CASQ2: variants seen among roughly 807,000 people sequenced by gnomAD.
CASQ2 encodes calsequestrin 2, also known as calsequestrin-2.
A neutral mutation model predicts 46.5 loss-of-function variants in CASQ2; 49 were observed. The observed-to-expected ratio is 1.05, with a 90% confidence interval of 0.84 to 1.34. CASQ2 has a LOEUF of 1.34. Ranked by LOEUF, CASQ2 falls within the 40% of genes most tolerant of loss-of-function variation. CASQ2 has a pLI of 0.00. For synonymous variants in CASQ2, 174 were observed against 168.5 expected (o/e 1.03, Z -0.25); for missense variants, 486 against 481.3 (o/e 1.01, Z -0.09).
intron 3 of CASQ2, among the ~76,000 whole-genome samples, chr1:115,739,283 A>G (rs4839473): frequency 0.78 from 116,651 of 148,920 alleles, 49,522 homozygotes; most frequent in Non-Finnish European, 0.94. Flanking sequence ...AAGTTTTTTT[A>G]TTTTTGTATT....
intron 2 of CASQ2, among the ~76,000 whole-genome samples, chr1:115,741,318 T>C (rs1194129876): frequency 2.0e-5 from 3 of 152,178 alleles, no homozygotes; most frequent in Non-Finnish European, 4.4e-5. Context: ...AAAAGGTGAG[T>C]AAAGGAAAAG....
At chr1:115,751,512 A>AG (rs1405619628) in intron 1 of CASQ2, among the ~76,000 whole-genome samples, 4 of 151,700 alleles carry the variant, frequency 2.6e-5, no homozygotes, top group Non-Finnish European at 4.4e-5. Flanking sequence ...GCTAAAAAAA[A>AG]TACAAAAGAA....
chr1:115,735,928 G>A (rs984798839), intron 4 of CASQ2, among the ~76,000 whole-genome samples: 3 of 152,134 alleles, frequency 2.0e-5, no homozygotes, highest in Non-Finnish European at 2.9e-5. Context: ...TTGGGAGGCC[G>A]AGGCGGGTGG....
At chr1:115,718,488 G>T (rs1647254366) in intron 7 of CASQ2, among the ~76,000 whole-genome samples, 1 of 152,186 alleles carries the variant, frequency 6.6e-6, no homozygotes, top group African/African-American at 2.4e-5. Context: ...CACAGACAAG[G>T]GTTGTGCTTC....
At chr1:115,729,569 T>C (rs1351807274) in intron 5 of CASQ2, among the ~76,000 whole-genome samples, 3 of 152,220 alleles carry the variant, frequency 2.0e-5, no homozygotes, top group Non-Finnish European at 2.9e-5. Flanking sequence ...AATGAATTCT[T>C]TCATGCTTTT....
intron 1 of CASQ2, among the ~76,000 whole-genome samples, chr1:115,763,194 T>C (rs1649021210): frequency 6.6e-6 from 1 of 151,406 alleles, no homozygotes; most frequent in Non-Finnish European, 1.5e-5. Context: ...GGGGAAAGAG[T>C]AAGGTAGAAA....
At chr1:115,711,644 T>C (rs1385976776) in intron 8 of CASQ2, among the ~76,000 whole-genome samples, 2 of 151,732 alleles carry the variant, frequency 1.3e-5, no homozygotes, top group African/African-American at 4.8e-5. Context: ...AGGGTTTTTG[T>C]TTGTTTGTTT....
intron 8 of CASQ2, among the ~76,000 whole-genome samples, chr1:115,716,457 C>A (rs1180560674): frequency 1.3e-5 from 2 of 152,124 alleles, no homozygotes; most frequent in East Asian, 3.9e-4. Flanking sequence ...ATACATTTAT[C>A]CTATTTTCAG....
At chr1:115,740,309 C>G (rs1648132694) in intron 3 of CASQ2, among the ~76,000 whole-genome samples, 1 of 152,172 alleles carries the variant, frequency 6.6e-6, no homozygotes, top group Non-Finnish European at 1.5e-5. Context: ...AGCTCTGTCA[C>G]TTCTCTATGT....
chr1:115,766,030 A>G (rs191616635), intron 1 of CASQ2, among the ~76,000 whole-genome samples: 146 of 152,308 alleles, frequency 9.6e-4, no homozygotes, highest in Admixed American at 1.9e-3. Context: ...AAGTATCTCA[A>G]CAAAGGCCCG....
chr1:115,744,717 T>C (rs765859910), intron 2 of CASQ2, 111 bp downstream of exon 2: 6 of 746,438 alleles, frequency 8.0e-6, no homozygotes, highest in Non-Finnish European at 1.4e-5. Context: ...GATCATTTTA[T>C]ATATTTTAAA....
intron 1 of CASQ2, among the ~76,000 whole-genome samples, 193 bp from the exon 2 acceptor site, chr1:115,745,105 G>T (rs1211729649): frequency 6.6e-6 from 1 of 152,184 alleles, no homozygotes; most frequent in Non-Finnish European, 1.5e-5. Context: ...AGAATGCTGA[G>T]AATCAAGGAG....
chr1:115,759,958 C>T (rs1648882901), intron 1 of CASQ2, among the ~76,000 whole-genome samples: 1 of 152,164 alleles, frequency 6.6e-6, no homozygotes, highest in Non-Finnish European at 1.5e-5. Context: ...CCAGGCAATT[C>T]AACTAGAAAG....
intron 7 of CASQ2, among the ~76,000 whole-genome samples, chr1:115,721,722 C>A (rs1384555042): frequency 6.6e-6 from 1 of 152,098 alleles, no homozygotes; most frequent in Non-Finnish European, 1.5e-5. Context: ...TGGCACACAC[C>A]ACCACACCCA....
At chr1:115,707,506 G>T (rs961041146) in intron 8 of CASQ2, among the ~76,000 whole-genome samples, 1 of 152,132 alleles carries the variant, frequency 6.6e-6, no homozygotes, top group Non-Finnish European at 1.5e-5. Context: ...GGTGAGGTGG[G>T]GTAGGGGCAT....
chr1:115,739,500 G>T lies in CASQ2; in HGVS notation c.421-1165C>A, dbSNP rs577372598. ...CTTCCCCTGCCAGTTATTGATTCAG[G>T]AATGGGCAAGTAACTGGCCCAATAA... On this transcript the variant is annotated intron_variant, in intron 3 of 10. Transcript: ENST00000261448. Among the ~76,000 whole-genome samples the T allele has an allele frequency of 2.6e-5, 4 of 152,258 alleles. No homozygotes were observed. The East Asian group carries it at 7.7e-4, about 29-fold the overall frequency.
chr1:115,709,847 T>C (rs1654486400), intron 8 of CASQ2, among the ~76,000 whole-genome samples: 1 of 152,172 alleles, frequency 6.6e-6, no homozygotes, highest in African/African-American at 2.4e-5. Context: ...CATTGTTCTT[T>C]TTTGTTTTGT....
At chr1:115,726,961 G>A in intron 6 of CASQ2, 31 bp downstream of exon 6, 4 of 1,358,420 alleles carry the variant, frequency 2.9e-6, no homozygotes, top group Non-Finnish European at 4.1e-6. Flanking sequence ...CAGACCCCAG[G>A]CCCCCAGCCC....
intron 3 of CASQ2, among the ~76,000 whole-genome samples, chr1:115,739,859 C>T (rs1174243353): frequency 6.6e-6 from 1 of 152,242 alleles, no homozygotes; most frequent in African/African-American, 2.4e-5. Flanking sequence ...AAGCCTCCCC[C>T]TAGCTGATAA....
Sources: gnomAD v4.1 joint callset for allele counts (sites outside exome capture counted in the v4.1 genomes callset) on GRCh38, gnomAD v4.1.1 for gene constraint, MANE v1.5 for transcripts, NCBI Gene and HGNC (gene_info 2026-07-23, HGNC 2026-07-21) for gene names.